Variants in LRP1B observed in about 807,000 individuals in gnomAD.
LRP1B encodes LDL receptor related protein 1B.
Under a neutral mutation model 556.6 loss-of-function variants are expected in LRP1B, and 217 were observed. That is an observed-to-expected ratio of 0.39 (90% CI 0.35 to 0.44). The LOEUF (loss-of-function observed/expected upper bound fraction) is 0.44. LRP1B is among the 20% of genes least tolerant of loss of function. The pLI, the probability that LRP1B is intolerant of heterozygous loss-of-function variation, is 1.00. For missense variants in LRP1B, 5,053 were observed against 5,620.8 expected (o/e 0.90, Z 3.23); for synonymous variants, 2,047 against 1,865.8 (o/e 1.10, Z -2.50).
intron 40 of LRP1B, 30 bp downstream of exon 40, chr2:140,701,691 C>A (rs372770885): frequency 6.3e-7 from 1 of 1,581,128 alleles, no homozygotes. Context: ...ATAAAATATA[C>A]ATATTATGTA....
chr2:141,865,422 C>T (rs1341761640), intron 1 of LRP1B, among the ~76,000 whole-genome samples: 1 of 150,930 alleles, frequency 6.6e-6, no homozygotes, highest in Non-Finnish European at 1.5e-5. Context: ...GAAACCCCGT[C>T]TCTACTAAAA....
At chr2:140,656,622 T>C (rs899868986) in intron 41 of LRP1B, among the ~76,000 whole-genome samples, 1 of 152,156 alleles carries the variant, frequency 6.6e-6, no homozygotes, top group Non-Finnish European at 1.5e-5. Context: ...CCATTTGTAA[T>C]TTTGCGGACT....
At chr2:140,300,105 T>C (rs948858018) in intron 83 of LRP1B, among the ~76,000 whole-genome samples, 6 of 152,144 alleles carry the variant, frequency 3.9e-5, no homozygotes, top group Non-Finnish European at 7.4e-5. Context: ...ACAGCTGTTT[T>C]GAAACTACAG....
At chr2:140,565,454 CA>C (rs1300781629) in intron 43 of LRP1B, among the ~76,000 whole-genome samples, 1 of 151,866 alleles carries the variant, frequency 6.6e-6, no homozygotes, top group Non-Finnish European at 1.5e-5. Context: ...GAAATGGTGC[CA>C]ATTTACCAGA....
At chr2:141,089,919 T>C (rs1700135813) in intron 7 of LRP1B, among the ~76,000 whole-genome samples, 1 of 152,230 alleles carries the variant, frequency 6.6e-6, no homozygotes, top group South Asian at 2.1e-4. Flanking sequence ...GAAACACCTG[T>C]AGTGCCTCCA....
At chr2:141,384,972 C>T (rs11692778) in intron 3 of LRP1B, among the ~76,000 whole-genome samples, 86,935 of 151,950 alleles carry the variant, frequency 0.57, 26,261 homozygotes, top group Non-Finnish European at 0.68. Flanking sequence ...AAGCCTCCAA[C>T]GCTCTGGTCC....
intron 32 of LRP1B, among the ~76,000 whole-genome samples, chr2:140,782,825 C>A (rs948527779): frequency 6.6e-6 from 1 of 152,072 alleles, no homozygotes; most frequent in African/African-American, 2.4e-5. Context: ...TGAGTAAATA[C>A]AATTGTCTTA....
chr2:140,889,740 T>A (rs1011586121), intron 23 of LRP1B, among the ~76,000 whole-genome samples: 3 of 152,142 alleles, frequency 2.0e-5, no homozygotes, highest in African/African-American at 7.2e-5. Flanking sequence ...ACACAGCTCG[T>A]AAGTGGAGGA....
intron 1 of LRP1B, among the ~76,000 whole-genome samples, chr2:141,826,947 C>T (rs756807275): frequency 6.6e-6 from 1 of 152,154 alleles, no homozygotes; most frequent in Admixed American, 6.5e-5. Flanking sequence ...TTCTGTCAAC[C>T]TGAAACATTT....
chr2:141,123,661 A>T (rs550704815), intron 7 of LRP1B, among the ~76,000 whole-genome samples: 1 of 152,206 alleles, frequency 6.6e-6, no homozygotes, highest in East Asian at 1.9e-4. Flanking sequence ...ACTTAAAACT[A>T]CCTTCTTCAC....
At chr2:140,568,784 T>G (rs2105099736) in intron 43 of LRP1B, among the ~76,000 whole-genome samples, 1 of 152,198 alleles carries the variant, frequency 6.6e-6, no homozygotes, top group Middle Eastern at 3.4e-3. Context: ...ACAGCAGACT[T>G]CTCAGCTAAA....
chr2:140,500,634 A>ATGTT (rs142947805), intron 55 of LRP1B, among the ~76,000 whole-genome samples: 10 of 152,100 alleles, frequency 6.6e-5, no homozygotes, highest in Non-Finnish European at 1.2e-4. Context: ...CAGATTAAGT[A>ATGTT]TGTTCCCTAT....
rs1574703818 is a variant in LRP1B, at chr2:142,115,824, ATATATCATATATATG to A, written c.82+14809_82+14823del. Among the ~76,000 whole-genome samples, 102 of 7,470 alleles carry A rather than the reference ATATATCATATATATG, an allele frequency of 0.014. 36 individuals are homozygous for A. The South Asian group carries it at 0.22, about 16-fold the overall frequency. 4.9% of individuals were successfully genotyped at this position (7,470 alleles called of 152,430 possible). On this transcript the variant is annotated intron_variant, in intron 1 of 90. Coordinates refer to ENST00000389484, the MANE Select transcript of LRP1B (RefSeq NM_018557.3). ...GTAATATATATCATATATATGTAATATATATCATATATATGTAATATATATATATACATATATATA... is the reference window on the plus strand; with the variant it reads ...GTAATATATATCATATATATGTAATATAATATATATATATACATATATATA...
intron 3 of LRP1B, among the ~76,000 whole-genome samples, chr2:141,477,649 C>T (rs961958100): frequency 6.6e-6 from 1 of 152,108 alleles, no homozygotes; most frequent in African/African-American, 2.4e-5. Context: ...CAGGTAAACT[C>T]ATTTCTGAGT....
chr2:141,183,601 G>A (rs1681107601), intron 7 of LRP1B, among the ~76,000 whole-genome samples: 1 of 151,980 alleles, frequency 6.6e-6, no homozygotes, highest in African/African-American at 2.4e-5. Flanking sequence ...ATGAGGTGAT[G>A]GGTTCACAAA....
chr2:140,752,578 G>A (rs1688619354), intron 35 of LRP1B, among the ~76,000 whole-genome samples: 1 of 152,074 alleles, frequency 6.6e-6, no homozygotes, highest in African/African-American at 2.4e-5. Context: ...GCCTGCCTGG[G>A]CCTCCCAGAG....
chr2:142,088,662 G>A (rs1433381141), intron 1 of LRP1B, among the ~76,000 whole-genome samples: 3 of 152,068 alleles, frequency 2.0e-5, no homozygotes, highest in Non-Finnish European at 4.4e-5. Context: ...AACAGTCCAA[G>A]TAGCATATTT....
chr2:140,334,382 C>G (rs1573808465), intron 79 of LRP1B, 71 bp downstream of exon 79: 1 of 938,814 alleles, frequency 1.1e-6, no homozygotes, highest in East Asian at 2.5e-5. Context: ...GCCAACAACA[C>G]TAGAAATAAC....
At chr2:141,003,128 T>A (rs564810657) in intron 15 of LRP1B, among the ~76,000 whole-genome samples, 3 of 151,970 alleles carry the variant, frequency 2.0e-5, no homozygotes, top group African/African-American at 7.2e-5. Context: ...ACATAAAAGG[T>A]CATAAATGGT....
Sources: allele counts gnomAD v4.1 joint callset (sites outside exome capture counted in the v4.1 genomes callset), GRCh38; gene constraint gnomAD v4.1.1; transcripts MANE v1.5; gene names NCBI Gene and HGNC (gene_info 2026-07-23, HGNC 2026-07-21).